Variants in ADGRB3 observed in about 807,000 individuals in gnomAD.
The protein encoded by ADGRB3 is brain-specific angiogenesis inhibitor 3.
A neutral mutation model predicts 193.4 loss-of-function variants in ADGRB3; 37 were observed. The observed-to-expected ratio is 0.19, with a 90% confidence interval of 0.15 to 0.25. The LOEUF (loss-of-function observed/expected upper bound fraction) is 0.25, where lower values mean the gene tolerates loss of function less well. ADGRB3 is among the 10% of genes least tolerant of loss of function. ADGRB3 has a pLI of 1.00. For synonymous variants in ADGRB3, 690 were observed against 644.2 expected, an observed-to-expected ratio of 1.07 and a Z score of -1.08; for missense variants, 1,637 against 1,852.9, an observed-to-expected ratio of 0.88 and a Z score of 2.14.
intron 3 of ADGRB3, among the ~76,000 whole-genome samples, chr6:68,674,096 A>G (rs1769027389): frequency 6.6e-6 from 1 of 152,172 alleles, no homozygotes; most frequent in African/African-American, 2.4e-5. Flanking sequence ...ACCTATTTTT[A>G]GAATCATAGG....
At chr6:69,252,586 T>G (rs1482649238) in intron 20 of ADGRB3, among the ~76,000 whole-genome samples, 1 of 152,144 alleles carries the variant, frequency 6.6e-6, no homozygotes, top group Non-Finnish European at 1.5e-5. Context: ...TTAATTTACA[T>G]TCCTCTAATA....
intron 17 of ADGRB3, among the ~76,000 whole-genome samples, chr6:69,096,980 A>G (rs991294188): frequency 1.3e-5 from 2 of 152,260 alleles, no homozygotes; most frequent in Admixed American, 6.5e-5. Context: ...TGAGTTAGCT[A>G]TTTGAATTCC....
chr6:68,702,208 A>AAGAGAGAGAG (rs140234329), intron 3 of ADGRB3, among the ~76,000 whole-genome samples: 1 of 149,048 alleles, frequency 6.7e-6, no homozygotes, highest in South Asian at 2.1e-4. Flanking sequence ...AGGAGCGAGA[A>AAGAGAGAGAG]AGAGAGAGAG....
chr6:69,337,988 AT>A (rs1768888555), intron 24 of ADGRB3, among the ~76,000 whole-genome samples: 1 of 152,198 alleles, frequency 6.6e-6, no homozygotes, highest in Non-Finnish European at 1.5e-5. Flanking sequence ...GTTGTTTGGA[AT>A]TTTTAATTCA....
At chr6:68,643,974 C>T (rs1391173203) in intron 3 of ADGRB3, among the ~76,000 whole-genome samples, 1 of 151,042 alleles carries the variant, frequency 6.6e-6, no homozygotes, top group Non-Finnish European at 1.5e-5. Context: ...AGACTGAGTT[C>T]TTCAAGTAAA....
chr6:68,756,117 G>C (rs1306768458), intron 3 of ADGRB3, among the ~76,000 whole-genome samples: 1 of 152,010 alleles, frequency 6.6e-6, no homozygotes, highest in Non-Finnish European at 1.5e-5. Context: ...TCACCTGCTA[G>C]CTAACTCGGC....
chr6:69,143,458 A>G (rs1315041172), intron 17 of ADGRB3, among the ~76,000 whole-genome samples: 1 of 152,166 alleles, frequency 6.6e-6, no homozygotes, highest in Non-Finnish European at 1.5e-5. Context: ...ATCTTTGCCC[A>G]AAGAAATGTC....
chr6:68,982,348 C>G (rs1768942156), intron 10 of ADGRB3, among the ~76,000 whole-genome samples: 1 of 152,130 alleles, frequency 6.6e-6, no homozygotes, highest in African/African-American at 2.4e-5. Flanking sequence ...TATTCAAATA[C>G]AGTGAGGAGT....
At chr6:69,043,134 T>C (rs1582416827) in intron 13 of ADGRB3, among the ~76,000 whole-genome samples, 1 of 152,108 alleles carries the variant, frequency 6.6e-6, no homozygotes, top group East Asian at 1.9e-4. Context: ...AGGCAAGATA[T>C]TTTTTTAACC....
chr6:68,885,083 T>G (rs1483044380), intron 3 of ADGRB3, among the ~76,000 whole-genome samples: 1 of 152,198 alleles, frequency 6.6e-6, no homozygotes, highest in East Asian at 1.9e-4. Flanking sequence ...ATTGCCATGT[T>G]TAATTGCTTA....
chr6:69,153,217 C>A lies in ADGRB3; in HGVS notation c.2480+77179C>A, dbSNP rs1774729173. Among the ~76,000 whole-genome samples the A allele has an allele frequency of 2.6e-5, 4 of 152,216 alleles. 1 individual carries two copies. In the South Asian group the frequency reaches 8.3e-4, roughly 32 times the overall value. On this transcript the variant is annotated intron_variant, in intron 17 of 31. Transcript: ENST00000370598. ...AACATAGTATTAGGGCAGAGATTAACCCATGGCAGAAAAAAAGAGAACTAT... is the reference window on the plus strand; with the variant it reads ...AACATAGTATTAGGGCAGAGATTAAACCATGGCAGAAAAAAAGAGAACTAT...
At chr6:68,657,869 T>C (rs1232130241) in intron 3 of ADGRB3, among the ~76,000 whole-genome samples, 1 of 151,374 alleles carries the variant, frequency 6.6e-6, no homozygotes, top group Admixed American at 6.6e-5. Context: ...ACAACTGGCA[T>C]TGCACAACTT....
rs148442907 is a variant in ADGRB3, at chr6:69,055,578, C to G, written c.2333+6232C>G. 2.0e-5 allele frequency among the ~76,000 whole-genome samples: 3 copies of G among 152,284 alleles called. No homozygotes were observed. The East Asian group carries it at 5.8e-4, about 29-fold the overall frequency. On this transcript the variant is annotated intron_variant, in intron 15 of 31. Transcript: ENST00000370598. ...CTTGCTTCCACCTCTTGGCAATTGT[C>G]AATTACACATGATGAACATGGGTGT... is the stretch of plus-strand genomic sequence containing the variant.
intron 3 of ADGRB3, among the ~76,000 whole-genome samples, chr6:68,907,275 C>A (rs189799703): frequency 1.3e-5 from 2 of 151,910 alleles, no homozygotes; most frequent in Non-Finnish European, 2.9e-5. Context: ...TATTCAGACA[C>A]AATGAAATTA....
At chr6:69,153,992 CA>C (rs954562474) in intron 17 of ADGRB3, among the ~76,000 whole-genome samples, 9 of 148,828 alleles carry the variant, frequency 6.0e-5, no homozygotes, top group Admixed American at 6.0e-4. Context: ...GACTCTGTCT[CA>C]AAAAAAAAGA....
intron 11 of ADGRB3, among the ~76,000 whole-genome samples, chr6:69,000,979 T>C (rs961087497): frequency 7.9e-5 from 12 of 152,220 alleles, no homozygotes; most frequent in Non-Finnish European, 1.6e-4. Context: ...ATTGCTAGTA[T>C]TTTAATTACC....
chr6:68,913,475 T>C (rs1766782841), intron 3 of ADGRB3, among the ~76,000 whole-genome samples: 1 of 152,320 alleles, frequency 6.6e-6, no homozygotes, highest in South Asian at 2.1e-4. Flanking sequence ...GACCTGCAGC[T>C]GAGGGTCCTG....
intron 13 of ADGRB3, among the ~76,000 whole-genome samples, chr6:69,047,215 T>C (rs1408463587): frequency 6.6e-6 from 1 of 152,194 alleles, no homozygotes; most frequent in Non-Finnish European, 1.5e-5. Flanking sequence ...GTCTGCATCA[T>C]GTTTCCATAT....
chr6:68,976,928 T>A (rs1191860728), intron 10 of ADGRB3, among the ~76,000 whole-genome samples: 1 of 151,260 alleles, frequency 6.6e-6, no homozygotes, highest in Non-Finnish European at 1.5e-5. Context: ...TGTAAATATA[T>A]ACTTACAATA....
Sources: allele counts gnomAD v4.1 joint callset (sites outside exome capture counted in the v4.1 genomes callset), GRCh38; gene constraint gnomAD v4.1.1; transcripts MANE v1.5; gene names NCBI Gene and HGNC (gene_info 2026-07-23, HGNC 2026-07-21).